ERC2: variants seen among roughly 807,000 people sequenced by gnomAD.
The protein encoded by ERC2 is ELKS/RAB6-interacting/CAST family member 2.
Under a neutral mutation model 114.8 loss-of-function variants are expected in ERC2, and 42 were observed. That is an observed-to-expected ratio of 0.37 (90% CI 0.29 to 0.47). The LOEUF is 0.47. Among genes scored for constraint, ERC2 ranks in the 20% least tolerant of loss-of-function variants. ERC2 has a pLI of 0.99. For missense variants in ERC2, 939 were observed against 1,150.7 expected (o/e 0.82, Z 2.66); for synonymous variants, 454 against 425.5 (o/e 1.07, Z -0.82).
At chr3:56,026,164 C>T (rs74637180) in intron 7 of ERC2, among the ~76,000 whole-genome samples, 22,728 of 150,024 alleles carry the variant, frequency 0.15, 1,807 homozygotes, top group African/African-American at 0.17. Flanking sequence ...ATTCTCCTGC[C>T]TCAGCCTCCC....
At chr3:55,726,360 T>G (rs2064916272) in intron 15 of ERC2, among the ~76,000 whole-genome samples, 1 of 152,122 alleles carries the variant, frequency 6.6e-6, no homozygotes, top group Non-Finnish European at 1.5e-5. Flanking sequence ...CCATAAAGGG[T>G]AATTAAAAGT....
chr3:55,832,171 G>C (rs1415724399), intron 14 of ERC2, among the ~76,000 whole-genome samples: 1 of 152,234 alleles, frequency 6.6e-6, no homozygotes, highest in Non-Finnish European at 1.5e-5. Flanking sequence ...TCCAACTCTG[G>C]GGGCAGGGCA....
At chr3:55,970,637 A>C (rs1168882248) in intron 12 of ERC2, among the ~76,000 whole-genome samples, 1 of 152,174 alleles carries the variant, frequency 6.6e-6, no homozygotes, top group African/African-American at 2.4e-5. Flanking sequence ...AACCACAATG[A>C]GATACCACTT....
At chr3:56,452,527 G>A (rs535430414) in intron 1 of ERC2, among the ~76,000 whole-genome samples, 2 of 152,256 alleles carry the variant, frequency 1.3e-5, no homozygotes, top group East Asian at 3.9e-4. Flanking sequence ...TTAAAAAGGT[G>A]TAAGAGCTTT....
chr3:56,072,886 C>T (rs2076805864), intron 7 of ERC2, among the ~76,000 whole-genome samples: 1 of 152,164 alleles, frequency 6.6e-6, no homozygotes, highest in African/African-American at 2.4e-5. Flanking sequence ...CTACACCTGA[C>T]TAGCACCCCC....
At chr3:55,749,524 T>C (rs1055831834) in intron 14 of ERC2, among the ~76,000 whole-genome samples, 2 of 152,166 alleles carry the variant, frequency 1.3e-5, no homozygotes, top group Non-Finnish European at 2.9e-5. Flanking sequence ...CTTTTCTGTC[T>C]CACAAGAGGA....
At chr3:55,827,103 C>A (rs17714443) in intron 14 of ERC2, among the ~76,000 whole-genome samples, 10,760 of 152,282 alleles carry the variant, frequency 0.071, 599 homozygotes, top group East Asian at 0.23. Flanking sequence ...TTATCTGTAA[C>A]AACTCCCTCT....
chr3:55,751,987 G>C lies in ERC2; in HGVS notation c.2565-17069C>G, dbSNP rs111636581. Among the ~76,000 whole-genome samples, 15 of 152,294 alleles carry C rather than the reference G, an allele frequency of 9.8e-5. 1 individual carries two copies. Among genetic ancestry groups the C allele is most frequent in the African/African-American group, 3.4e-4 (14 of 41,566 alleles). ...AAGAGCTAACAAGTGAGCTTTAGGA[G>C]GGTCAGTGAGAAAGTTGCTCCAGTA... On this transcript the variant is annotated intron_variant, in intron 14 of 17. Transcript: ENST00000288221.
In ERC2 at chr3:56,139,635, T is replaced by C; in HGVS notation, c.1347A>G (p.Glu449=). Residue 449 remains glutamate (E), a synonymous_variant, in exon 6 of 18, where the codon GAA becomes GAG. Coordinates refer to ENST00000288221, the MANE Select transcript of ERC2 (RefSeq NM_015576.3). ...LKQELSKKES[E]LLALQTKLET... ...CAAGCTTTGTTTGTAAGGCAAGAAG[T>C]TCCGACTCTTTCTTTGAAAGTTCCT... The C allele has an allele frequency of 6.2e-7, 1 of 1,610,162 alleles. No individual in the cohort carries two copies. The highest frequency in any genetic ancestry group is 8.5e-7 in the Non-Finnish European group (1 of 1,178,102).
intron 6 of ERC2, among the ~76,000 whole-genome samples, chr3:56,082,435 A>C (rs983165986): frequency 1.3e-5 from 2 of 151,750 alleles, no homozygotes; most frequent in Non-Finnish European, 1.5e-5. Context: ...GTAAGACATA[A>C]ATTTCTGTTG....
chr3:56,336,665 G>T (rs996598370), intron 2 of ERC2, among the ~76,000 whole-genome samples: 9 of 152,074 alleles, frequency 5.9e-5, no homozygotes, highest in African/African-American at 9.7e-5. Flanking sequence ...ATGGTGGCAG[G>T]CGCCTGTAAT....
At chr3:56,332,647 C>T (rs141353752) in intron 2 of ERC2, among the ~76,000 whole-genome samples, 64 of 152,336 alleles carry the variant, frequency 4.2e-4, no homozygotes, top group Non-Finnish European at 3.8e-4. Flanking sequence ...CAGTTTCACA[C>T]TAGAGCCACA....
chr3:55,677,957 C>A (rs2061890324), intron 17 of ERC2, among the ~76,000 whole-genome samples: 1 of 152,092 alleles, frequency 6.6e-6, no homozygotes, highest in African/African-American at 2.4e-5. Flanking sequence ...CAGTACATCT[C>A]CAGTACTAAG....
intron 14 of ERC2, among the ~76,000 whole-genome samples, chr3:55,811,357 T>C (rs574459052): frequency 1.3e-5 from 2 of 152,200 alleles, no homozygotes; most frequent in Non-Finnish European, 2.9e-5. Flanking sequence ...CTCTCTCAAG[T>C]GGTCTTCACA....
At chr3:55,838,383 A>C (rs768419950) in intron 14 of ERC2, among the ~76,000 whole-genome samples, 1 of 152,136 alleles carries the variant, frequency 6.6e-6, no homozygotes, top group Non-Finnish European at 1.5e-5. Context: ...GAATAAAACT[A>C]AACATCTATA....
chr3:55,741,604 G>A (rs1176783994), intron 14 of ERC2, among the ~76,000 whole-genome samples: 4 of 152,024 alleles, frequency 2.6e-5, no homozygotes, highest in Non-Finnish European at 2.9e-5. Context: ...CAGACAACAC[G>A]GAAAGTACAT....
chr3:56,434,556 T>C lies in ERC2; in HGVS notation c.452A>G (p.Gln151Arg). 1 of 1,614,004 alleles carries C rather than the reference T, an allele frequency of 6.2e-7. No individual in the cohort carries two copies. Among genetic ancestry groups the C allele is most frequent in the Non-Finnish European group, 8.5e-7 (1 of 1,179,896 alleles). Reference sequence around the variant, plus strand: ...TCTCTGCAGTTCTTTCAGCTGGGCCTGAAGATCTAACATTGTGCTGTCTCT... The same window carrying C: ...TCTCTGCAGTTCTTTCAGCTGGGCCCGAAGATCTAACATTGTGCTGTCTCT... ...QVRDSTMLDL[Q>R]AQLKELQREN... Residue 151 changes from glutamine to arginine, a missense_variant, in exon 2 of 18, where the codon CAG becomes CGG. Around this residue, in one of 5 missense-constraint regions of ERC2, gnomAD observed 281 missense variants for 307.4 expected, o/e 0.91. Transcript: ENST00000288221.
intron 17 of ERC2, among the ~76,000 whole-genome samples, chr3:55,589,548 C>T (rs1048257036): frequency 6.6e-6 from 1 of 152,088 alleles, no homozygotes; most frequent in African/African-American, 2.4e-5. Flanking sequence ...AACTGATATT[C>T]TATTAGTAAG....
chr3:55,768,670 T>C (rs1252776965), intron 14 of ERC2, among the ~76,000 whole-genome samples: 4 of 151,870 alleles, frequency 2.6e-5, no homozygotes, highest in African/African-American at 9.7e-5. Flanking sequence ...GCAGACCAGA[T>C]GGGAGAACGC....
Sources: gnomAD v4.1 joint callset for allele counts (sites outside exome capture counted in the v4.1 genomes callset) on GRCh38, gnomAD v4.1.1 for gene constraint, gnomAD v4.1.1 regional missense constraint, MANE v1.5 for transcripts, NCBI Gene and HGNC (gene_info 2026-07-23, HGNC 2026-07-21) for gene names.